The following WNT11 variants were observed in gnomAD, a reference collection of about 807,000 sequenced individuals.
WNT11 encodes Wnt family member 11.
In WNT11, 20 loss-of-function variants were observed where a neutral mutation model predicts 35.6. The observed-to-expected ratio is 0.56, with a 90% confidence interval of 0.40 to 0.82. The LOEUF (loss-of-function observed/expected upper bound fraction) is 0.82. WNT11 is among the 40% of genes least tolerant of loss of function. The pLI is 0.00. For missense variants in WNT11, 459 were observed against 504.4 expected (o/e 0.91, Z 0.86); for synonymous variants, 200 against 211.9 (o/e 0.94, Z 0.49).
chr11:76,204,414 T>C (rs1953437013), intron 1 of WNT11, among the ~76,000 whole-genome samples: 1 of 152,212 alleles, frequency 6.6e-6, no homozygotes, highest in East Asian at 1.9e-4. Context: ...CCGCATGCGC[T>C]GTTCGGCCTC....
intron 1 of WNT11, among the ~76,000 whole-genome samples, chr11:76,198,561 G>A (rs1953323911): frequency 6.6e-6 from 1 of 152,160 alleles, no homozygotes; most frequent in Admixed American, 6.5e-5. Context: ...CTTTCCCCCT[G>A]CTTCTGGACA....
Position 76,194,468 on chromosome 11 carries a change from G to T in WNT11, c.597+99C>A. On this transcript the variant is annotated intron_variant, in intron 3 of 4. Coordinates refer to ENST00000322563, the MANE Select transcript of WNT11 (RefSeq NM_004626.3). The surrounding 1 kb of genome is among the most constrained non-coding windows in gnomAD (Gnocchi z 5.4). ...ATCAGGTGTGGGCCAGTCAGGGCCC[G>T]TCCCCCCGCACCCCCCACCACTGGG... 7.1e-7 allele frequency: 1 copy of T among 1,400,096 alleles called. No homozygotes were observed. Among genetic ancestry groups the T allele is most frequent in the Non-Finnish European group, 9.5e-7 (1 of 1,052,592 alleles). The allele number at this position is 1,400,096 out of a possible 1,614,324, so 86.7% of individuals were successfully genotyped here.
At chr11:76,192,702 G>T (rs1043040930) in intron 3 of WNT11, among the ~76,000 whole-genome samples, 2 of 152,242 alleles carry the variant, frequency 1.3e-5, no homozygotes, top group Non-Finnish European at 2.9e-5. Flanking sequence ...TCTTGCCCTG[G>T]CTTCAAAAAG....
In WNT11 at chr11:76,194,947, G is replaced by C; in HGVS notation, c.320-103C>G. On this transcript the variant is annotated intron_variant, in intron 2 of 4. Transcript: ENST00000322563. The surrounding 1 kb of genome is among the most constrained non-coding windows in gnomAD (Gnocchi z 5.4). ...GCCCACACCCTGCTGTAACCAAGGTGACGCCAGCAGGGGTCGGCACTAGGG... is the reference window on the plus strand; with the variant it reads ...GCCCACACCCTGCTGTAACCAAGGTCACGCCAGCAGGGGTCGGCACTAGGG... 1.5e-6 allele frequency: 2 copies of C among 1,371,594 alleles called. No individual in the cohort carries two copies. The highest frequency in any genetic ancestry group is 1.9e-6 in the Non-Finnish European group (2 of 1,043,036). 85.0% of individuals were successfully genotyped at this position (1,371,594 alleles called of 1,614,324 possible).
chr11:76,189,419 G>T (rs955222331), intron 4 of WNT11, among the ~76,000 whole-genome samples: 1 of 152,120 alleles, frequency 6.6e-6, no homozygotes, highest in South Asian at 2.1e-4. Context: ...GTGGGTGGGG[G>T]TGGGTTTCAG....
Position 76,189,516 on chromosome 11 carries a change from A to G in WNT11, c.890+2048T>C, listed in dbSNP as rs7928122. The stretch of plus-strand genomic sequence containing the variant: ...TTAGGCCTTGGTTTCCCCAGGTTAG[A>G]TTTGAGGAGGCTGCAAGGCATCTTC... On this transcript the variant is annotated intron_variant, in intron 4 of 4. Transcript: ENST00000322563. Among the ~76,000 whole-genome samples, 820 of 152,270 alleles carry G rather than the reference A, an allele frequency of 5.4e-3. 11 individuals are homozygous for G. Among genetic ancestry groups the G allele is most frequent in the African/African-American group, 0.019 (782 of 41,542 alleles).
chr11:76,196,725 A>AC lies in WNT11; in HGVS notation c.84-8dup. 1 of 1,591,980 alleles carries AC rather than the reference A, an allele frequency of 6.3e-7. No individual in the cohort carries two copies. Among genetic ancestry groups the AC allele is most frequent in the Non-Finnish European group, 8.6e-7 (1 of 1,168,222 alleles). Reference sequence around the variant, plus strand: ...TGGTGTCTTGGACAGCGCCCTGCACACCATGGAAAGGCCATGACCGATGGA... The same window carrying AC: ...TGGTGTCTTGGACAGCGCCCTGCACACCCATGGAAAGGCCATGACCGATGGA... On this transcript the variant is annotated splice_polypyrimidine_tract_variant and splice_region_variant and intron_variant, in intron 1 of 4. Transcript: ENST00000322563.
At chr11:76,196,779 T>C (rs771168717) in intron 1 of WNT11, 61 bp from the exon 2 acceptor site, 6 of 1,502,380 alleles carry the variant, frequency 4.0e-6, no homozygotes, top group African/African-American at 1.4e-5. Context: ...AGGGGCCACA[T>C]GGCCTCCACC....
intron 4 of WNT11, chr11:76,190,640 G>C (rs1038980828): frequency 1.3e-5 from 2 of 152,276 alleles, no homozygotes; most frequent in Admixed American, 6.5e-5. Context: ...CCGAGAACAC[G>C]AGTTTTGTGG....
chr11:76,209,279 C>T (rs1029370713), upstream of WNT11, among the ~76,000 whole-genome samples: 47 of 152,244 alleles, frequency 3.1e-4, no homozygotes, highest in Non-Finnish European at 1.9e-4. Context: ...CCGCCTGGGG[C>T]TGTGCACAGG....
At chr11:76,209,047 C>T (rs1953516960), upstream of WNT11, among the ~76,000 whole-genome samples, 2 of 152,168 alleles carry the variant, frequency 1.3e-5, no homozygotes, top group Admixed American at 6.5e-5. Context: ...TTCCTGGGCC[C>T]CCGCTTCTCC....
At chr11:76,204,293 A>C (rs1412663098) in intron 1 of WNT11, among the ~76,000 whole-genome samples, 2 of 152,100 alleles carry the variant, frequency 1.3e-5, no homozygotes, top group Non-Finnish European at 2.9e-5. Flanking sequence ...CTAGACTATC[A>C]GTTTCTCATA....
chr11:76,206,314 T>A lies in WNT11; in HGVS notation c.83+11A>T, dbSNP rs1205320562. The A allele has an allele frequency of 1.9e-6, 3 of 1,542,030 alleles. No homozygotes were observed. Among genetic ancestry groups the A allele is most frequent in the Non-Finnish European group, 2.6e-6 (3 of 1,146,390 alleles). Reference sequence around the variant, plus strand: ...CTGGCCTGTGCGCGTGGACGCGGGGTCCCTACTCACAGCCACTTGATGCCA... The same window carrying A: ...CTGGCCTGTGCGCGTGGACGCGGGGACCCTACTCACAGCCACTTGATGCCA... On this transcript the variant is annotated intron_variant, in intron 1 of 4. Transcript: ENST00000322563.
chr11:76,210,306 G>A (rs1023430543), upstream of WNT11: 64 of 520,298 alleles, frequency 1.2e-4, no homozygotes, highest in Non-Finnish European at 1.6e-4. Flanking sequence ...TCTTCGGAGT[G>A]CTGCGGGGGA....
chr11:76,186,781 C>T lies in WNT11; in HGVS notation c.*284G>A, dbSNP rs1953100868. ...CAAGTCTGTATCAGTCTCACCGATCCCAAGCCCCGCTCCTTACACCAGCCT... is the reference window on the plus strand; with the variant it reads ...CAAGTCTGTATCAGTCTCACCGATCTCAAGCCCCGCTCCTTACACCAGCCT... On this transcript the variant is annotated 3_prime_UTR_variant, in exon 5 of 5. Coordinates refer to ENST00000322563, the MANE Select transcript of WNT11 (RefSeq NM_004626.3). 1 of 545,426 alleles carries T rather than the reference C, an allele frequency of 1.8e-6. No individual in the cohort carries two copies. 33.8% of individuals were successfully genotyped at this position (545,426 alleles called of 1,614,324 possible).
At chr11:76,210,286 A>G, upstream of WNT11, 1 of 416,994 alleles carries the variant, frequency 2.4e-6, no homozygotes, top group Non-Finnish European at 3.2e-6. Context: ...TTCGCTCCGC[A>G]AAGGGGAACT....
At chr11:76,206,242 C>T (rs1953470230) in intron 1 of WNT11, 83 bp downstream of exon 1, 2 of 1,251,652 alleles carry the variant, frequency 1.6e-6, no homozygotes, top group African/African-American at 1.6e-5. Flanking sequence ...TCTTGGTGCG[C>T]TCGCCCCATC....
chr11:76,207,809 GA>G (rs573727860), upstream of WNT11, among the ~76,000 whole-genome samples: 1,192 of 152,272 alleles, frequency 7.8e-3, 16 homozygotes, highest in African/African-American at 0.025. Flanking sequence ...GCAGCCCGCG[GA>G]GCAGCTATCT....
upstream of WNT11, chr11:76,210,442 GGCTGCCC>G (rs1375701702): frequency 3.0e-6 from 3 of 985,300 alleles, no homozygotes; most frequent in Non-Finnish European, 2.4e-6. Flanking sequence ...CCCGCTGAGC[GGCTGCCC>G]GCTGCCCGCG....
Sources: allele counts gnomAD v4.1 joint callset (sites outside exome capture counted in the v4.1 genomes callset), GRCh38; gene constraint gnomAD v4.1.1; non-coding constraint Gnocchi (gnomAD v3.1); transcripts MANE v1.5; gene names NCBI Gene and HGNC (gene_info 2026-07-23, HGNC 2026-07-21).